The following MTHFD2L variants were observed in gnomAD, a reference collection of about 807,000 sequenced individuals.
MTHFD2L encodes bifunctional methylenetetrahydrofolate dehydrogenase/cyclohydrolase 2, mitochondrial.
A neutral mutation model predicts 34.9 loss-of-function variants in MTHFD2L; 29 were observed. The observed-to-expected ratio is 0.83, with a 90% CI of 0.62 to 1.13. MTHFD2L has a LOEUF of 1.13. Ranked by LOEUF, MTHFD2L falls within the 50% of genes most tolerant of loss-of-function variation. The probability of loss-of-function intolerance (pLI) is 0.00; values close to 1 mark genes in which losing one functional copy is unlikely to be tolerated. For synonymous variants in MTHFD2L, 167 were observed against 155.7 expected (o/e 1.07, Z -0.54); for missense variants, 481 against 446.5 (o/e 1.08, Z -0.70).
At chr4:74,280,432 C>G (rs1173158972) in intron 6 of MTHFD2L, 5 of 152,108 alleles carry the variant, frequency 3.3e-5, no homozygotes, top group Admixed American at 6.6e-5. Context: ...CACAAGCATC[C>G]ACTGCAACCA....
intron 5 of MTHFD2L, among the ~76,000 whole-genome samples, chr4:74,212,366 T>C (rs1736474599): frequency 6.6e-6 from 1 of 152,214 alleles, no homozygotes; most frequent in Non-Finnish European, 1.5e-5. Context: ...CCACATTAGC[T>C]GTGTCCCAGA....
At chr4:74,195,198 G>A (rs956915322) in intron 3 of MTHFD2L, 1 of 152,078 alleles carries the variant, frequency 6.6e-6, no homozygotes, top group African/African-American at 2.4e-5. Context: ...ACCAGTGATG[G>A]GATTAGACAC....
At chr4:74,160,908 T>G (rs1213072973) in intron 1 of MTHFD2L, 1 of 152,250 alleles carries the variant, frequency 6.6e-6, no homozygotes, top group Non-Finnish European at 1.5e-5. Flanking sequence ...ACAGGGACTT[T>G]CACAAAACCC....
intron 1 of MTHFD2L, among the ~76,000 whole-genome samples, chr4:74,174,225 C>T (rs931048979): frequency 2.0e-5 from 3 of 152,090 alleles, no homozygotes; most frequent in African/African-American, 7.2e-5. Context: ...AATACCATAA[C>T]ATTTGGGGTT....
At chr4:74,127,438 C>A (rs778462292) in intron 1 of MTHFD2L, among the ~76,000 whole-genome samples, 3 of 152,150 alleles carry the variant, frequency 2.0e-5, no homozygotes, top group Non-Finnish European at 4.4e-5. Flanking sequence ...AACCATCAAT[C>A]TACTCTCTAT....
chr4:74,173,868 ATAT>A (rs1728503994), intron 1 of MTHFD2L, among the ~76,000 whole-genome samples: 1 of 152,192 alleles, frequency 6.6e-6, no homozygotes, highest in African/African-American at 2.4e-5. Context: ...TGTATATAAT[ATAT>A]ATGTTTTATA....
At chr4:74,140,222 T>C (rs965495443) in intron 1 of MTHFD2L, among the ~76,000 whole-genome samples, 5 of 152,010 alleles carry the variant, frequency 3.3e-5, no homozygotes, top group African/African-American at 1.2e-4. Context: ...GAAAGTCACC[T>C]GAGCTCAGGC....
chr4:74,196,411 T>C (rs1302805705), intron 3 of MTHFD2L, among the ~76,000 whole-genome samples: 1 of 151,952 alleles, frequency 6.6e-6, no homozygotes, highest in East Asian at 1.9e-4. Flanking sequence ...ATGATGATGG[T>C]TGGTAAAGGT....
intron 6 of MTHFD2L, among the ~76,000 whole-genome samples, chr4:74,272,625 G>A (rs2110251482): frequency 6.6e-6 from 1 of 152,194 alleles, no homozygotes; most frequent in Middle Eastern, 3.4e-3. Context: ...GGTAATACCG[G>A]ATTGTTTTAT....
chr4:74,244,990 C>G (rs993278336), intron 6 of MTHFD2L, among the ~76,000 whole-genome samples: 1 of 151,748 alleles, frequency 6.6e-6, no homozygotes, highest in Non-Finnish European at 1.5e-5. Flanking sequence ...GTCAAGAGCT[C>G]GAGACCATCC....
At chr4:74,135,732 G>T (rs1722860451) in intron 1 of MTHFD2L, among the ~76,000 whole-genome samples, 1 of 151,732 alleles carries the variant, frequency 6.6e-6, no homozygotes, top group African/African-American at 2.4e-5. Flanking sequence ...AATATCACCA[G>T]TGAACACAGA....
In MTHFD2L at chr4:74,127,232, A is replaced by T. The variant is rs1722146669; in HGVS notation, c.-297+1715A>T. Among the ~76,000 whole-genome samples the T allele has an allele frequency of 2.0e-5, 3 of 152,156 alleles. No individual in the cohort carries two copies. The South Asian group carries it at 6.2e-4, about 31-fold the overall frequency. On this transcript the variant is annotated intron_variant, in intron 1 of 7. Coordinates refer to the MTHFD2L transcript ENST00000433372. ...TCAAATCAGGGTAATTGGGATGTAC[A>T]TCACCTTAAATACTTTTCTTTGTGC...
intron 5 of MTHFD2L, 150 bp downstream of exon 5, chr4:74,201,520 C>A: frequency 2.2e-6 from 1 of 463,208 alleles, no homozygotes; most frequent in Non-Finnish European, 3.7e-6. Flanking sequence ...ATGTGAGAGT[C>A]TTGAAAGTGA....
At chr4:74,188,970 G>A (rs1338530991) in intron 3 of MTHFD2L, among the ~76,000 whole-genome samples, 1 of 151,766 alleles carries the variant, frequency 6.6e-6, no homozygotes, top group African/African-American at 2.4e-5. Context: ...TATAGTAAAG[G>A]ACTCAAAAGA....
At chr4:74,228,515 T>C (rs1393708032) in intron 6 of MTHFD2L, among the ~76,000 whole-genome samples, 1 of 152,224 alleles carries the variant, frequency 6.6e-6, no homozygotes, top group East Asian at 1.9e-4. Context: ...GGAAAATCTC[T>C]CATCATGCCT....
chr4:74,140,885 T>G (rs1287420679), intron 1 of MTHFD2L, among the ~76,000 whole-genome samples: 2 of 152,240 alleles, frequency 1.3e-5, no homozygotes, highest in African/African-American at 4.8e-5. Flanking sequence ...TTTCTTTTCC[T>G]GGTTCCTCCC....
At position 74,201,255 on chromosome 4, in the gene MTHFD2L, AT is replaced by A; in HGVS notation, c.605-4del. 1 of 1,607,754 alleles carries A rather than the reference AT, an allele frequency of 6.2e-7. No individual in the cohort carries two copies. The highest frequency in any genetic ancestry group is 8.5e-7 in the Non-Finnish European group (1 of 1,174,662). The stretch of plus-strand genomic sequence containing the variant: ...ATTCTGCATTTAAACCGAACTCTGT[AT>A]TTTAAGGAATTCAAACATTTGGAAA... On this transcript the variant is annotated splice_region_variant and splice_polypyrimidine_tract_variant and intron_variant, in intron 4 of 7. Coordinates refer to ENST00000325278, the MANE Select transcript of MTHFD2L (RefSeq NM_001144978.3).
chr4:74,255,458 A>C (rs937017651), intron 6 of MTHFD2L, among the ~76,000 whole-genome samples: 2 of 152,196 alleles, frequency 1.3e-5, no homozygotes, highest in Non-Finnish European at 2.9e-5. Flanking sequence ...GAAAACAGTA[A>C]GAAAATATTT....
intron 7 of MTHFD2L, among the ~76,000 whole-genome samples, chr4:74,281,859 C>A (rs1747530233): frequency 6.6e-6 from 1 of 151,896 alleles, no homozygotes. Flanking sequence ...CTTTTATAGA[C>A]CTGGGCATAG....
Sources: allele counts gnomAD v4.1 joint callset (sites outside exome capture counted in the v4.1 genomes callset), GRCh38; gene constraint gnomAD v4.1.1; transcripts MANE v1.5; gene names NCBI Gene and HGNC (gene_info 2026-07-23, HGNC 2026-07-21).